NELL1: variants seen among roughly 807,000 people sequenced by gnomAD.
The protein encoded by NELL1 is neural EGFL like 1.
NELL1 carries 76 observed loss-of-function variants against 107.4 expected under a neutral mutation model. The observed-to-expected ratio is 0.71, with a 90% CI of 0.59 to 0.86. NELL1 has a LOEUF of 0.86. Among genes scored for constraint, NELL1 ranks in the 40% least tolerant of loss-of-function variants. The probability of loss-of-function intolerance (pLI) is 0.00; values close to 1 mark genes in which losing one functional copy is unlikely to be tolerated. For synonymous variants in NELL1, 353 were observed against 341.2 expected, an observed-to-expected ratio of 1.03 and a Z score of -0.38; for missense variants, 1,024 against 1,005.5, an observed-to-expected ratio of 1.02 and a Z score of -0.25.
intron 10 of NELL1, among the ~76,000 whole-genome samples, chr11:20,940,700 G>C (rs1245774780): frequency 1.3e-5 from 2 of 152,158 alleles, no homozygotes; most frequent in East Asian, 3.9e-4. Flanking sequence ...CATTCTAAAG[G>C]CTATAGAGGC....
At chr11:21,141,720 C>G (rs954946918) in intron 13 of NELL1, among the ~76,000 whole-genome samples, 1 of 151,362 alleles carries the variant, frequency 6.6e-6, no homozygotes, top group East Asian at 1.9e-4. Context: ...CCATTGTATA[C>G]CCTCCTCCTC....
chr11:21,558,731 A>G (rs542243684), intron 16 of NELL1, among the ~76,000 whole-genome samples: 10 of 152,214 alleles, frequency 6.6e-5, no homozygotes, highest in Admixed American at 4.6e-4. Flanking sequence ...TATAACTGTT[A>G]CGTGTAAAAT....
intron 2 of NELL1, among the ~76,000 whole-genome samples, chr11:20,774,909 A>G (rs1156956853): frequency 1.3e-5 from 2 of 152,128 alleles, no homozygotes; most frequent in African/African-American, 4.8e-5. Context: ...TGTGTATTAA[A>G]ATGGCACCTG....
chr11:21,119,264 A>G (rs1430811913), intron 13 of NELL1, among the ~76,000 whole-genome samples: 4 of 151,918 alleles, frequency 2.6e-5, no homozygotes, highest in African/African-American at 9.7e-5. Flanking sequence ...GCTGACAGCC[A>G]TGGTCCTTTC....
chr11:21,098,179 C>T (rs1854698903), intron 12 of NELL1, among the ~76,000 whole-genome samples: 2 of 152,180 alleles, frequency 1.3e-5, no homozygotes, highest in Non-Finnish European at 2.9e-5. Context: ...CTTCTTCATG[C>T]CCTGTGTCTT....
intron 13 of NELL1, among the ~76,000 whole-genome samples, chr11:21,172,467 T>A (rs181700305): frequency 1.3e-5 from 2 of 151,978 alleles, no homozygotes; most frequent in East Asian, 3.9e-4. Flanking sequence ...TCCGTGATCA[T>A]GCAGTTGATC....
intron 15 of NELL1, among the ~76,000 whole-genome samples, chr11:21,497,421 G>A (rs1000686660): frequency 4.6e-5 from 7 of 151,994 alleles, no homozygotes; most frequent in African/African-American, 1.4e-4. Context: ...ACTATTTTCT[G>A]GATAGCATAT....
At chr11:21,213,922 G>A (rs1857558521) in intron 13 of NELL1, among the ~76,000 whole-genome samples, 1 of 152,116 alleles carries the variant, frequency 6.6e-6, no homozygotes, top group Non-Finnish European at 1.5e-5. Context: ...TTAGAGAAGA[G>A]TTCTTGGACA....
chr11:20,956,422 A>G (rs1202889548), intron 11 of NELL1, among the ~76,000 whole-genome samples: 3 of 152,026 alleles, frequency 2.0e-5, no homozygotes, highest in South Asian at 2.1e-4. Flanking sequence ...CGAGGCGGGT[A>G]GATCACGAGG....
chr11:20,958,141 G>T (rs1851216167), intron 11 of NELL1, among the ~76,000 whole-genome samples: 1 of 152,140 alleles, frequency 6.6e-6, no homozygotes, highest in Non-Finnish European at 1.5e-5. Flanking sequence ...AACAAGGCTG[G>T]GTGTGGTGGC....
chr11:21,220,971 G>C (rs1857742159), intron 13 of NELL1, among the ~76,000 whole-genome samples: 1 of 152,002 alleles, frequency 6.6e-6, no homozygotes, highest in Non-Finnish European at 1.5e-5. Context: ...ATATATTTTG[G>C]CTTTTTCTGA....
intron 13 of NELL1, among the ~76,000 whole-genome samples, chr11:21,226,100 T>C (rs1461818186): frequency 3.3e-5 from 5 of 152,090 alleles, no homozygotes; most frequent in Middle Eastern, 3.4e-3. Flanking sequence ...AGGAATGTGA[T>C]ATTTATAGAA....
intron 15 of NELL1, among the ~76,000 whole-genome samples, chr11:21,438,650 T>A (rs904238380): frequency 6.6e-6 from 1 of 152,118 alleles, no homozygotes; most frequent in African/African-American, 2.4e-5. Flanking sequence ...TTTCTTCATT[T>A]CTTTATATAG....
At chr11:21,102,696 T>C (rs1482518766) in intron 12 of NELL1, among the ~76,000 whole-genome samples, 1 of 152,192 alleles carries the variant, frequency 6.6e-6, no homozygotes, top group Admixed American at 6.5e-5. Flanking sequence ...CACTGGACAT[T>C]ATGGGCACCA....
intron 15 of NELL1, among the ~76,000 whole-genome samples, chr11:21,390,561 C>T (rs79489781): frequency 0.016 from 2,378 of 150,396 alleles, 57 homozygotes; most frequent in African/African-American, 0.056. Flanking sequence ...CCAAACACTT[C>T]CCATTTCTCT....
At chr11:20,795,035 G>A (rs1203979700) in intron 3 of NELL1, among the ~76,000 whole-genome samples, 2 of 152,128 alleles carry the variant, frequency 1.3e-5, no homozygotes, top group African/African-American at 4.8e-5. Flanking sequence ...GCTAGGCTTC[G>A]GGCTACTCTC....
intron 15 of NELL1, among the ~76,000 whole-genome samples, chr11:21,533,174 C>G (rs1158478599): frequency 6.6e-6 from 1 of 152,084 alleles, no homozygotes; most frequent in African/African-American, 2.4e-5. Context: ...AGGAACTACA[C>G]CTTTTCTCTC....
intron 13 of NELL1, among the ~76,000 whole-genome samples, chr11:21,139,022 G>A (rs975675192): frequency 6.6e-6 from 1 of 152,144 alleles, no homozygotes; most frequent in Non-Finnish European, 1.5e-5. Context: ...AATACAAGTG[G>A]AACGTATTGA....
intron 12 of NELL1, among the ~76,000 whole-genome samples, chr11:20,965,419 A>G (rs1284296642): frequency 6.6e-6 from 1 of 152,158 alleles, no homozygotes; most frequent in African/African-American, 2.4e-5. Flanking sequence ...GTGTGTGCTC[A>G]TTGAGACCAA....
Sources: gnomAD v4.1 joint callset for allele counts (sites outside exome capture counted in the v4.1 genomes callset) on GRCh38, gnomAD v4.1.1 for gene constraint, MANE v1.5 for transcripts, NCBI Gene and HGNC (gene_info 2026-07-23, HGNC 2026-07-21) for gene names.